STRIP1: variants seen among roughly 807,000 people sequenced by gnomAD.
The protein encoded by STRIP1 is striatin interacting protein 1, also known as striatin-interacting protein 1.
Under a neutral mutation model 106.2 loss-of-function variants are expected in STRIP1, and 63 were observed. The observed-to-expected ratio is 0.59, with a 90% CI of 0.48 to 0.73. The LOEUF (loss-of-function observed/expected upper bound fraction) is 0.73, where lower values mean the gene tolerates loss of function less well. Ranked by LOEUF, STRIP1 falls within the 30% of genes least tolerant of loss-of-function variation. STRIP1 has a pLI of 0.00. For synonymous variants in STRIP1, 390 were observed against 413.0 expected (o/e 0.94, Z 0.67); for missense variants, 857 against 1,074.8 (o/e 0.80, Z 2.83).
intron 3 of STRIP1, 148 bp from the exon 4 acceptor site, chr1:110,039,024 T>C (rs1332039909): frequency 5.3e-6 from 5 of 937,996 alleles, no homozygotes; most frequent in African/African-American, 5.0e-5. Flanking sequence ...ATCAAATTCA[T>C]AGAGCAGCAG....
chr1:110,039,004 T>G lies in STRIP1; in HGVS notation c.326-168T>G, dbSNP rs1038059562. ...AAATTGCACCCAAAATACCAGCGTT[T>G]CAGTTTGGAATCAAATTCATAGAGC... On this transcript the variant is annotated intron_variant, in intron 3 of 20. Transcript: ENST00000369795. The G allele has an allele frequency of 2.6e-5, 22 of 851,294 alleles. No individual in the cohort carries two copies. In the African/African-American group the frequency reaches 2.7e-4, roughly 11 times the overall value. 52.7% of individuals were successfully genotyped at this position (851,294 alleles called of 1,614,324 possible).
At chr1:110,040,502 C>G (rs1652706449) in intron 5 of STRIP1, 133 bp from the exon 6 acceptor site, 1 of 788,420 alleles carries the variant, frequency 1.3e-6, no homozygotes, top group South Asian at 1.8e-5. Flanking sequence ...TTCTTAACCA[C>G]CGTGTCCTGT....
In STRIP1 at chr1:110,053,639, C is replaced by T. The variant is rs72976685; in HGVS notation, c.2267-26C>T. The T allele has an allele frequency of 5.5e-3, 8,813 of 1,612,530 alleles. 365 individuals are homozygous for T. The African/African-American group carries it at 0.095, about 17-fold the overall frequency. ...AGCTGCTACAGGGCATGGCTCCTAA[C>T]GGTGTTTCTTCCTGCTTTGTCTCAG... On this transcript the variant is annotated intron_variant, in intron 20 of 20. Coordinates refer to ENST00000369795, the MANE Select transcript of STRIP1 (RefSeq NM_033088.4).
At chr1:110,036,375 C>G (rs940472407) in intron 1 of STRIP1, among the ~76,000 whole-genome samples, 2 of 152,100 alleles carry the variant, frequency 1.3e-5, no homozygotes, top group Non-Finnish European at 2.9e-5. Flanking sequence ...ATTGCTTGAA[C>G]CTGGGAGGTG....
At chr1:110,043,338 C>T in intron 9 of STRIP1, 68 bp downstream of exon 9, 2 of 1,482,344 alleles carry the variant, frequency 1.3e-6, no homozygotes, top group Non-Finnish European at 9.2e-7. Context: ...CAGCACAGTC[C>T]TTGGAGGAGC....
chr1:110,037,736 A>AT (rs1247515019), intron 1 of STRIP1, among the ~76,000 whole-genome samples, 155 bp from the exon 2 acceptor site: 1 of 152,218 alleles, frequency 6.6e-6, no homozygotes, highest in Non-Finnish European at 1.5e-5. Flanking sequence ...AAGGAAAAGT[A>AT]TAGGATACTC....
At position 110,048,723 on chromosome 1, in the gene STRIP1, A is replaced by G. The variant is rs193260725; in HGVS notation, c.1662-389A>G. Among the ~76,000 whole-genome samples, 70 of 152,380 alleles carry G rather than the reference A, an allele frequency of 4.6e-4. 1 individual carries two copies. The highest frequency in any genetic ancestry group is 1.5e-3 in the African/African-American group (62 of 41,590). ...ATGTAACTCAGTGCTTCCTAAATTT[A>G]TCTTACTCCAAAACCCTTTTTTTCC... On this transcript the variant is annotated intron_variant, in intron 15 of 20. Coordinates refer to ENST00000369795, the MANE Select transcript of STRIP1 (RefSeq NM_033088.4).
In STRIP1 at chr1:110,038,755, A is replaced by G. The variant is rs1165478002; in HGVS notation, c.323A>G (p.His108Arg). ...TGCTTTGAGGAGGACTTCCGGATCC[A>G]TGGTGAGATGATTTCCCACACTTCT... ...RKCFEEDFRIHVTDKKWTELD... is the reference protein window; with the variant it reads ...RKCFEEDFRIRVTDKKWTELD... The change falls in exon 3 of 21, where the codon CAT becomes CGT. Residue 108 changes from histidine (H) to arginine (R), a missense_variant and splice_region_variant. This residue lies in a region of STRIP1 where 750 missense variants were observed against 989.8 expected (regional missense o/e 0.76). Transcript: ENST00000369795. 1.9e-6 allele frequency: 3 copies of G among 1,613,822 alleles called. No homozygotes were observed. Among genetic ancestry groups the G allele is most frequent in the Non-Finnish European group, 1.7e-6 (2 of 1,179,692 alleles).
chr1:110,037,001 A>C (rs999688769), intron 1 of STRIP1, among the ~76,000 whole-genome samples: 3 of 152,022 alleles, frequency 2.0e-5, no homozygotes, highest in Admixed American at 2.0e-4. Flanking sequence ...ATTTTTAAAA[A>C]ATTTTATATT....
chr1:110,036,316 G>C (rs1048756880), intron 1 of STRIP1, among the ~76,000 whole-genome samples: 1 of 152,106 alleles, frequency 6.6e-6, no homozygotes, highest in African/African-American at 2.4e-5. Context: ...AGCCGGGCGT[G>C]GTGGCTGGTG....
At chr1:110,038,860 G>C (rs935782047) in intron 3 of STRIP1, 103 bp downstream of exon 3, 2 of 1,089,752 alleles carry the variant, frequency 1.8e-6, no homozygotes, top group Non-Finnish European at 2.7e-6. Context: ...GGAACAGCCT[G>C]AGAAGCCTGC....
rs772994357 is a variant in STRIP1, at chr1:110,047,604, G to A, written c.1551G>A (p.Leu517=). Residue 517 remains leucine (L), a synonymous_variant, in exon 14 of 21, where the codon CTG becomes CTA. Coordinates refer to ENST00000369795, the MANE Select transcript of STRIP1 (RefSeq NM_033088.4). ...TCTACCAAGGCTTGCTCCCCAGCCT[G>A]CCTCAGTATATGGTGAGTGGTGCCT... ...ETLYQGLLPS[L]PQYMIALLKI... 1.9e-6 allele frequency: 3 copies of A among 1,610,122 alleles called. No individual in the cohort carries two copies. Among genetic ancestry groups the A allele is most frequent in the Admixed American group, 3.4e-5 (2 of 59,526 alleles).
chr1:110,038,931 G>T (rs1275248551), intron 3 of STRIP1, among the ~76,000 whole-genome samples, 174 bp downstream of exon 3: 1 of 152,076 alleles, frequency 6.6e-6, no homozygotes, highest in East Asian at 1.9e-4. Flanking sequence ...ATCGGTGGGG[G>T]CTTTTCAGAA....
At chr1:110,045,418 A>T (rs1013760300) in intron 12 of STRIP1, 2 of 262,458 alleles carry the variant, frequency 7.6e-6, no homozygotes, top group Non-Finnish European at 1.5e-5. Context: ...TCAAGGCTAC[A>T]GTGAGCTATG....
At chr1:110,041,468 T>C in intron 6 of STRIP1, 68 bp from the exon 7 acceptor site, 1 of 1,102,844 alleles carries the variant, frequency 9.1e-7, no homozygotes, top group South Asian at 1.3e-5. Context: ...GTAAGCACTT[T>C]GTTAGACACT....
chr1:110,039,082 T>C, intron 3 of STRIP1, 90 bp from the exon 4 acceptor site: 1 of 1,468,662 alleles, frequency 6.8e-7, no homozygotes, highest in Non-Finnish European at 9.4e-7. Context: ...TCTGGTCCTA[T>C]GGCAGTCCTG....
chr1:110,052,193 T>TA (rs1447297599), intron 20 of STRIP1, among the ~76,000 whole-genome samples: 3 of 152,208 alleles, frequency 2.0e-5, no homozygotes, highest in Non-Finnish European at 4.4e-5. Context: ...CCTAAACTCT[T>TA]ACAGCTCTTG....
At chr1:110,046,633 C>T in intron 12 of STRIP1, 47 bp from the exon 13 acceptor site, 1 of 1,566,232 alleles carries the variant, frequency 6.4e-7, no homozygotes, top group Non-Finnish European at 8.8e-7. Flanking sequence ...GGGAGTTTGG[C>T]CAGAGAATGT....
rs1170511724 is a variant in STRIP1, at chr1:110,053,801, T to C, written c.2403T>C (p.Ser801=). ...TGCCAGTGGACAACTGCCTGCAGAG[T>C]GTCCTGGGCCAACGGGTGGACCTCC... ...DFLPVDNCLQ[S]VLGQRVDLPE... Residue 801 remains serine, a synonymous_variant, in exon 21 of 21, where the codon AGT becomes AGC. Transcript: ENST00000369795. The C allele has an allele frequency of 6.2e-7, 1 of 1,614,068 alleles. No homozygotes were observed. The highest frequency in any genetic ancestry group is 8.5e-7 in the Non-Finnish European group (1 of 1,180,016).
Sources: gnomAD v4.1 joint callset for allele counts (sites outside exome capture counted in the v4.1 genomes callset) on GRCh38, gnomAD v4.1.1 for gene constraint, gnomAD v4.1.1 regional missense constraint, MANE v1.5 for transcripts, NCBI Gene and HGNC (gene_info 2026-07-23, HGNC 2026-07-21) for gene names.